The following DCC variants were observed in gnomAD, a reference collection of about 807,000 sequenced individuals.
DCC encodes DCC netrin 1 receptor.
In DCC, 58 loss-of-function variants were observed where a neutral mutation model predicts 172.5. That is an observed-to-expected ratio of 0.34 (90% confidence interval 0.27 to 0.42). DCC has a LOEUF of 0.42. DCC is among the 10% of genes least tolerant of loss of function. DCC has a pLI of 1.00. For synonymous variants in DCC, 709 were observed against 644.5 expected (o/e 1.10, Z -1.52); for missense variants, 1,740 against 1,791.0 (o/e 0.97, Z 0.51).
intron 1 of DCC, among the ~76,000 whole-genome samples, chr18:52,499,853 A>T (rs2030950958): frequency 1.3e-5 from 2 of 152,126 alleles, no homozygotes; most frequent in Non-Finnish European, 2.9e-5. Flanking sequence ...GGACTCGGGT[A>T]AGGTCCTCAT....
intron 12 of DCC, among the ~76,000 whole-genome samples, chr18:53,288,052 A>G (rs574201980): frequency 6.6e-6 from 1 of 152,234 alleles, no homozygotes; most frequent in Non-Finnish European, 1.5e-5. Context: ...ATCTGCATAC[A>G]GGATGTTTTG....
intron 20 of DCC, among the ~76,000 whole-genome samples, chr18:53,413,667 T>C (rs1910126197): frequency 6.6e-6 from 1 of 152,204 alleles, no homozygotes; most frequent in Admixed American, 6.5e-5. Flanking sequence ...ACAATGCATG[T>C]ATATGATTAA....
intron 2 of DCC, among the ~76,000 whole-genome samples, chr18:52,837,681 A>T (rs1004158869): frequency 6.6e-6 from 1 of 152,170 alleles, no homozygotes; most frequent in Admixed American, 6.5e-5. Context: ...CGAGCCCTCC[A>T]AACTGTTCCA....
At chr18:52,805,479 G>A (rs1414194987) in intron 2 of DCC, among the ~76,000 whole-genome samples, 3 of 152,178 alleles carry the variant, frequency 2.0e-5, no homozygotes, top group Non-Finnish European at 2.9e-5. Flanking sequence ...AGAGACGAAT[G>A]GAGAAGGTAG....
In DCC at chr18:53,207,688, G is replaced by T. The variant is rs1187262857; in HGVS notation, c.1732G>T (p.Val578Phe). 12 of 1,613,412 alleles carry T rather than the reference G, an allele frequency of 7.4e-6. No individual in the cohort carries two copies. The highest frequency in any genetic ancestry group is 1.0e-5 in the Non-Finnish European group (12 of 1,179,642). ...TGTTTTATGTCTCCAGAATATAGAG[G>T]TTGATGGACTATCTTATAAACTGGA... The part of the protein sequence containing the change: ...VSTGKEQNIE[V>F]DGLSYKLEGL... Residue 578 changes from valine (V) to phenylalanine (F), a missense_variant, in exon 11 of 29, where the codon GTT becomes TTT. Transcript: ENST00000442544.
At chr18:52,893,907 T>TA (rs5824973) in intron 2 of DCC, among the ~76,000 whole-genome samples, 60,023 of 151,664 alleles carry the variant, frequency 0.4, 12,457 homozygotes, top group Non-Finnish European at 0.47. Flanking sequence ...TAATACAATT[T>TA]AAAAAAAACA....
At chr18:52,595,175 A>C (rs1437987788) in intron 1 of DCC, among the ~76,000 whole-genome samples, 4 of 152,180 alleles carry the variant, frequency 2.6e-5, no homozygotes, top group Non-Finnish European at 2.9e-5. Context: ...TAAAGCACAA[A>C]AACTTACAGG....
At position 53,076,249 on chromosome 18, in the gene DCC, G is replaced by A. The variant is rs79547692; in HGVS notation, c.1261+10083G>A. Among the ~76,000 whole-genome samples, 93 of 152,244 alleles carry A rather than the reference G, an allele frequency of 6.1e-4. 2 individuals carry two copies. In the East Asian group the frequency reaches 0.015, roughly 25 times the overall value. ...TGAATTAGGACTTCTGAGTCTACAA[G>A]CCTAGAGTCATAGGGATGGTAAACA... On this transcript the variant is annotated intron_variant, in intron 7 of 28. Coordinates refer to ENST00000442544, the MANE Select transcript of DCC (RefSeq NM_005215.4).
At chr18:52,991,264 C>T (rs930845057) in intron 5 of DCC, among the ~76,000 whole-genome samples, 5 of 152,028 alleles carry the variant, frequency 3.3e-5, no homozygotes, top group Admixed American at 2.0e-4. Context: ...TTAAATTTAT[C>T]TTTTTTTGTT....
intron 12 of DCC, among the ~76,000 whole-genome samples, chr18:53,252,159 C>T (rs12326280): frequency 0.041 from 6,249 of 152,054 alleles, 395 homozygotes; most frequent in African/African-American, 0.14. Flanking sequence ...CTGCTTCACA[C>T]TCTTATACTC....
At chr18:53,312,153 C>CAAAAA (rs895203731) in intron 13 of DCC, among the ~76,000 whole-genome samples, 18 of 26,706 alleles carry the variant, frequency 6.7e-4, no homozygotes, top group Non-Finnish European at 8.1e-4. Flanking sequence ...GCTAAAAATA[C>CAAAAA]AAAAAAAAAA....
At chr18:53,066,432 T>C (rs1480771558) in intron 7 of DCC, among the ~76,000 whole-genome samples, 3 of 146,488 alleles carry the variant, frequency 2.0e-5, no homozygotes, top group Admixed American at 6.9e-5. Flanking sequence ...TGTGTATATA[T>C]ATATATATAT....
chr18:53,278,472 T>C (rs945127919), intron 12 of DCC, among the ~76,000 whole-genome samples: 7 of 152,208 alleles, frequency 4.6e-5, no homozygotes, highest in Non-Finnish European at 1.0e-4. Flanking sequence ...CTGTTGTAAT[T>C]AGTTGACACA....
chr18:53,484,609 A>G (rs1349076025), intron 25 of DCC, among the ~76,000 whole-genome samples: 2 of 152,164 alleles, frequency 1.3e-5, no homozygotes, highest in East Asian at 3.9e-4. Flanking sequence ...ATTTTTCTGT[A>G]TGGTGTGAGA....
At chr18:52,907,409 T>A (rs2039904381) in intron 3 of DCC, among the ~76,000 whole-genome samples, 1 of 147,952 alleles carries the variant, frequency 6.8e-6, no homozygotes, top group South Asian at 2.1e-4. Context: ...ATATACATCA[T>A]ATCATTCATA....
chr18:53,177,585 A>G (rs2055125509), intron 8 of DCC, among the ~76,000 whole-genome samples: 1 of 152,144 alleles, frequency 6.6e-6, no homozygotes, highest in African/African-American at 2.4e-5. Flanking sequence ...ACAAATGTTG[A>G]TTGTTCCATC....
intron 9 of DCC, among the ~76,000 whole-genome samples, chr18:53,201,818 G>C (rs2055541766): frequency 6.6e-6 from 1 of 151,964 alleles, no homozygotes; most frequent in Admixed American, 6.6e-5. Flanking sequence ...ATTTCTTCCT[G>C]GAAGAATATT....
At chr18:53,441,296 C>A (rs1398127309) in intron 22 of DCC, among the ~76,000 whole-genome samples, 2 of 152,162 alleles carry the variant, frequency 1.3e-5, no homozygotes, top group African/African-American at 2.4e-5. Context: ...CCTTTGTCTT[C>A]TGTTTGAAAA....
intron 1 of DCC, among the ~76,000 whole-genome samples, chr18:52,499,846 C>G (rs1193771221): frequency 6.6e-6 from 1 of 152,028 alleles, no homozygotes; most frequent in African/African-American, 2.4e-5. Context: ...CAGATGGGGA[C>G]TCGGGTAAGG....
Sources: gnomAD v4.1 joint callset for allele counts (sites outside exome capture counted in the v4.1 genomes callset) on GRCh38, gnomAD v4.1.1 for gene constraint, MANE v1.5 for transcripts, NCBI Gene and HGNC (gene_info 2026-07-23, HGNC 2026-07-21) for gene names.